Variants in VPS13C observed in about 807,000 individuals in gnomAD.
The protein encoded by VPS13C is intermembrane lipid transfer protein VPS13C.
In VPS13C, 358 loss-of-function variants were observed where a neutral mutation model predicts 456.8. The observed-to-expected ratio is 0.78, with a 90% CI of 0.72 to 0.86. VPS13C has a LOEUF of 0.86. Among genes scored for constraint, VPS13C ranks in the 40% least tolerant of loss-of-function variants. The pLI, the probability that VPS13C is intolerant of heterozygous loss-of-function variation, is 0.00. For synonymous variants in VPS13C, 1,578 were observed against 1,486.7 expected (o/e 1.06, Z -1.41); for missense variants, 4,818 against 4,385.4 (o/e 1.10, Z -2.79).
rs192271610 is a variant in VPS13C at position 62,028,311 on chromosome 15, C to T, written c.448+47G>A. On this transcript the variant is annotated intron_variant, in intron 6 of 84. Transcript: ENST00000644861. The stretch of plus-strand genomic sequence containing the variant: ...ACTCCACCAAAAGCACAAGCATACA[C>T]AAGAATATGTTTATATAGTTGAATA... 6 of 1,596,548 alleles carry T rather than the reference C, an allele frequency of 3.8e-6. No individual in the cohort carries two copies. In the African/African-American group the frequency reaches 4.0e-5, roughly 11 times the overall value.
In VPS13C at chr15:61,922,681, T is replaced by C. The variant is rs772394396; in HGVS notation, c.6691A>G (p.Thr2231Ala). Reference sequence around the variant, plus strand: ...CAAAGATTTTCCATTTCCTTAGACGTATCTTTGGATCCATCTTCTTTTGTT... The same window carrying C: ...CAAAGATTTTCCATTTCCTTAGACGCATCTTTGGATCCATCTTCTTTTGTT... ...PKTKEDGSKD[T>A]SKEMENLWGI... Residue 2231 changes from threonine to alanine, a missense_variant, in exon 54 of 85, where the codon ACG becomes GCG. Thr to Ala is a moderately conservative substitution (Grantham distance 58). Transcript: ENST00000644861. The C allele has an allele frequency of 3.1e-6, 5 of 1,613,902 alleles. No homozygotes were observed. The African/African-American group carries it at 6.7e-5, about 22-fold the overall frequency.
At position 62,041,377 on chromosome 15, in the gene VPS13C, A is replaced by G; in HGVS notation, c.145-11T>C. On this transcript the variant is annotated splice_polypyrimidine_tract_variant and intron_variant, in intron 2 of 84. Coordinates refer to ENST00000644861, the MANE Select transcript of VPS13C (RefSeq NM_020821.3). ...AACATCCAATTCACTCTTCAGAAGA[A>G]AGAGAAAATGTAAAGGACATCTTAA... 1 of 1,599,892 alleles carries G rather than the reference A, an allele frequency of 6.3e-7. No homozygotes were observed. The highest frequency in any genetic ancestry group is 1.8e-5 in the Admixed American group (1 of 55,334).
rs376835600 is a variant in VPS13C, at chr15:62,008,611, T to C, written c.1118+44A>G. The C allele has an allele frequency of 1.4e-5, 20 of 1,381,370 alleles. No individual in the cohort carries two copies. In the African/African-American group the frequency reaches 1.6e-4, roughly 11 times the overall value. The allele number at this position is 1,381,370 out of a possible 1,614,324, so 85.6% of individuals were successfully genotyped here. On this transcript the variant is annotated intron_variant, in intron 14 of 84. Transcript: ENST00000644861. ...TTAACTCTGAGAGTAACTAAATATATGATTATATGTTCCTCACAAAACAAA... is the reference window on the plus strand; with the variant it reads ...TTAACTCTGAGAGTAACTAAATATACGATTATATGTTCCTCACAAAACAAA...
At chr15:62,015,391 G>A (rs937566849) in intron 9 of VPS13C, among the ~76,000 whole-genome samples, 1 of 152,070 alleles carries the variant, frequency 6.6e-6, no homozygotes, top group Middle Eastern at 3.4e-3. Flanking sequence ...GGCTTTTGTT[G>A]CCATTGCTTT....
At chr15:61,891,749 T>C (rs981802423) in intron 66 of VPS13C, among the ~76,000 whole-genome samples, 1 of 152,180 alleles carries the variant, frequency 6.6e-6, no homozygotes. Context: ...TTTGAATTGG[T>C]CAGAAATTAA....
intron 28 of VPS13C, among the ~76,000 whole-genome samples, chr15:61,967,829 C>T (rs932186088): frequency 9.2e-5 from 14 of 151,844 alleles, no homozygotes; most frequent in African/African-American, 3.4e-4. Flanking sequence ...CTGTTAAACT[C>T]CTTTTTAACT....
intron 16 of VPS13C, among the ~76,000 whole-genome samples, chr15:61,999,450 C>T (rs911070978): frequency 6.6e-6 from 1 of 151,422 alleles, no homozygotes; most frequent in Non-Finnish European, 1.5e-5. Flanking sequence ...GGGGGCTTGG[C>T]GTCCCTAACG....
chr15:62,038,975 A>C (rs1264611005), intron 3 of VPS13C, among the ~76,000 whole-genome samples: 1 of 152,236 alleles, frequency 6.6e-6, no homozygotes, highest in Non-Finnish European at 1.5e-5. Context: ...GATACAGAGG[A>C]GAGGGACTAC....
At chr15:61,997,852 T>C (rs1051128737) in intron 16 of VPS13C, among the ~76,000 whole-genome samples, 1 of 152,172 alleles carries the variant, frequency 6.6e-6, no homozygotes, top group African/African-American at 2.4e-5. Flanking sequence ...TTGCCTTCCT[T>C]CCTACAGTCT....
chr15:61,960,231 G>A (rs968532421), intron 35 of VPS13C, among the ~76,000 whole-genome samples: 4 of 152,142 alleles, frequency 2.6e-5, no homozygotes, highest in African/African-American at 9.7e-5. Context: ...AAATTGAGAG[G>A]TGAGTGGAAC....
At chr15:62,037,280 T>A (rs866240961) in intron 3 of VPS13C, among the ~76,000 whole-genome samples, 2 of 33,670 alleles carry the variant, frequency 5.9e-5, no homozygotes, top group Middle Eastern at 0.012. Context: ...TATAATATAT[T>A]ATATATATTA....
Position 61,867,446 on chromosome 15 carries a change from T to C in VPS13C, c.10863+1213A>G, listed in dbSNP as rs975772425. 2.0e-6 allele frequency: 2 copies of C among 986,836 alleles called. No homozygotes were observed. Among genetic ancestry groups the C allele is most frequent in the Admixed American group, 6.1e-5 (1 of 16,294 alleles). The allele number at this position is 986,836 out of a possible 1,614,324, so 61.1% of individuals were successfully genotyped here. On this transcript the variant is annotated intron_variant, in intron 81 of 84. Coordinates refer to ENST00000644861, the MANE Select transcript of VPS13C (RefSeq NM_020821.3). The surrounding 1 kb of genome is among the most constrained non-coding windows in gnomAD (Gnocchi z 5.0). The stretch of plus-strand genomic sequence containing the variant: ...CTGACAATTCAATTATTAAAGCAGA[T>C]GCTCCAGGTAATAGTCCCGTAACTT...
intron 9 of VPS13C, among the ~76,000 whole-genome samples, chr15:62,015,973 A>C (rs2047231567): frequency 6.8e-6 from 1 of 147,948 alleles, no homozygotes; most frequent in South Asian, 2.1e-4. Flanking sequence ...AAAAAAAAAA[A>C]AAAAAAAAAA....
chr15:61,940,574 C>T, intron 47 of VPS13C, 73 bp downstream of exon 47: 1 of 1,457,430 alleles, frequency 6.9e-7, no homozygotes, highest in South Asian at 1.4e-5. Flanking sequence ...TTCTGATATC[C>T]ACTAGAACTG....
chr15:61,968,731 G>A (rs1258038313), intron 28 of VPS13C, among the ~76,000 whole-genome samples: 2 of 151,834 alleles, frequency 1.3e-5, no homozygotes, highest in South Asian at 2.1e-4. Flanking sequence ...GTTTCTGAAA[G>A]AACTAACTTT....
chr15:61,966,174 T>C, intron 29 of VPS13C, 32 bp from the exon 30 acceptor site: 1 of 1,513,868 alleles, frequency 6.6e-7, no homozygotes, highest in Non-Finnish European at 9.0e-7. Context: ...CTAAAGAAGG[T>C]ACTAGGATCG....
intron 39 of VPS13C, 106 bp from the exon 40 acceptor site, chr15:61,951,130 CTG>C: frequency 1.6e-6 from 1 of 637,740 alleles, no homozygotes. Context: ...AAACTCAGGA[CTG>C]TACACTAAAA....
chr15:61,874,094 T>C (rs1219532841), intron 77 of VPS13C, among the ~76,000 whole-genome samples: 5 of 151,940 alleles, frequency 3.3e-5, no homozygotes, highest in African/African-American at 4.8e-5. Context: ...AAACAAATAC[T>C]GCATGTTCTC....
At chr15:61,871,378 C>T (rs1037740545) in intron 79 of VPS13C, among the ~76,000 whole-genome samples, 1 of 152,112 alleles carries the variant, frequency 6.6e-6, no homozygotes, top group Admixed American at 6.6e-5. Context: ...ATCTTGACAT[C>T]CTTGTCGAAG....
Sources: gnomAD v4.1 joint callset for allele counts (sites outside exome capture counted in the v4.1 genomes callset) on GRCh38, gnomAD v4.1.1 for gene constraint, Gnocchi (gnomAD v3.1) non-coding constraint, MANE v1.5 for transcripts, NCBI Gene and HGNC (gene_info 2026-07-23, HGNC 2026-07-21) for gene names.